The following HDAC9 variants were observed in gnomAD, a reference collection of about 807,000 sequenced individuals.
The protein encoded by HDAC9 is MEF-2 interacting transcription repressor (MITR) protein.
In HDAC9, 41 loss-of-function variants were observed where a neutral mutation model predicts 139.4. The observed-to-expected ratio is 0.29, with a 90% confidence interval of 0.23 to 0.38. The LOEUF is 0.38. HDAC9 is among the 10% of genes least tolerant of loss of function. The pLI is 1.00. For missense variants in HDAC9, 1,147 were observed against 1,297.0 expected, an observed-to-expected ratio of 0.88 and a Z score of 1.78; for synonymous variants, 517 against 476.2, an observed-to-expected ratio of 1.09 and a Z score of -1.12.
chr7:18,325,407 A>C (rs1228918634), intron 1 of HDAC9: 3 of 152,126 alleles, frequency 2.0e-5, no homozygotes, highest in African/African-American at 7.2e-5. Flanking sequence ...GTTTACCATT[A>C]CAAGTTACTA....
intron 22 of HDAC9, among the ~76,000 whole-genome samples, chr7:18,926,200 A>T (rs537996275): frequency 1.3e-5 from 2 of 152,172 alleles, no homozygotes; most frequent in East Asian, 1.9e-4. Flanking sequence ...AAAATTGAAA[A>T]ATTAGTAGGG....
Position 18,647,839 on chromosome 7 carries a change from G to T in HDAC9, c.1090G>T (p.Gly364Cys). The change falls in exon 10 of 26, where the codon GGT becomes TGT. Residue 364 changes from glycine (G) to cysteine (C), a missense_variant. By Grantham distance (159) the Gly-to-Cys change is radical. Transcript: ENST00000686413. The part of the protein sequence containing the change: ...QKCETQTLRQ[G>C]VPLPGQYGGS... ...GTGTGAGACGCAGACGCTTAGGCAAGGTGTTCCTCTGCCTGGGCAGTATGG... is the reference window on the plus strand; with the variant it reads ...GTGTGAGACGCAGACGCTTAGGCAATGTGTTCCTCTGCCTGGGCAGTATGG... 2 of 1,612,532 alleles carry T rather than the reference G, an allele frequency of 1.2e-6. No individual in the cohort carries two copies. The highest frequency in any genetic ancestry group is 2.7e-5 in the African/African-American group (2 of 75,028).
At chr7:18,873,296 G>A (rs746149407) in intron 21 of HDAC9, among the ~76,000 whole-genome samples, 14 of 152,142 alleles carry the variant, frequency 9.2e-5, no homozygotes, top group Non-Finnish European at 1.9e-4. Flanking sequence ...TGGTTTACCA[G>A]TTGTTGGAAG....
chr7:18,556,171 C>T (rs945763486), intron 2 of HDAC9, among the ~76,000 whole-genome samples: 2 of 151,976 alleles, frequency 1.3e-5, no homozygotes, highest in Non-Finnish European at 2.9e-5. Flanking sequence ...TATTTAAATA[C>T]AGGTAGCACT....
chr7:18,634,033 T>C (rs1783123565), intron 7 of HDAC9, among the ~76,000 whole-genome samples: 1 of 152,070 alleles, frequency 6.6e-6, no homozygotes, highest in Admixed American at 6.6e-5. Context: ...ATAAGTTGAG[T>C]AGAGTTAAAG....
At chr7:18,192,654 A>G (rs1352401675) in intron 2 of HDAC9, among the ~76,000 whole-genome samples, 1 of 152,202 alleles carries the variant, frequency 6.6e-6, no homozygotes, top group African/African-American at 2.4e-5. Context: ...AAGTAAAATC[A>G]CGATTTTTCT....
At chr7:18,971,440 C>T (rs1784237678) in intron 24 of HDAC9, among the ~76,000 whole-genome samples, 1 of 152,158 alleles carries the variant, frequency 6.6e-6, no homozygotes, top group Non-Finnish European at 1.5e-5. Context: ...AGCAGTCAAC[C>T]TTTGTTCATT....
At chr7:18,985,398 CTCA>C (rs1329058320) in intron 25 of HDAC9, among the ~76,000 whole-genome samples, 8 of 152,266 alleles carry the variant, frequency 5.3e-5, no homozygotes, top group African/African-American at 1.9e-4. Context: ...AGGACATGAA[CTCA>C]TCATTTTTTA....
At chr7:18,506,443 G>A (rs1021124708) in intron 2 of HDAC9, among the ~76,000 whole-genome samples, 6 of 152,050 alleles carry the variant, frequency 3.9e-5, no homozygotes, top group Non-Finnish European at 8.8e-5. Flanking sequence ...GACCCTTCTC[G>A]TGAATATGGC....
At chr7:18,907,243 A>C (rs1433405107) in intron 22 of HDAC9, among the ~76,000 whole-genome samples, 1 of 152,232 alleles carries the variant, frequency 6.6e-6, no homozygotes, top group Non-Finnish European at 1.5e-5. Context: ...TCAATGTAGA[A>C]GAGAAGGGAG....
At chr7:18,653,713 T>G (rs1266978117) in intron 11 of HDAC9, among the ~76,000 whole-genome samples, 1 of 152,152 alleles carries the variant, frequency 6.6e-6, no homozygotes, top group Non-Finnish European at 1.5e-5. Flanking sequence ...TATGTTTATG[T>G]TCTGACAAGC....
rs564562499 is a variant in HDAC9, at chr7:18,623,711, A to G, written c.665-5639A>G. Among the ~76,000 whole-genome samples, 3 of 152,328 alleles carry G rather than the reference A, an allele frequency of 2.0e-5. No homozygotes were observed. In the East Asian group the frequency reaches 5.8e-4, roughly 29 times the overall value. ...GTAATCCCAACACTTTGGCAGGCCA[A>G]GGCGGGCGGATTACAAGGTCAGGAG... On this transcript the variant is annotated intron_variant, in intron 6 of 25. Coordinates refer to ENST00000686413, the MANE Select transcript of HDAC9 (RefSeq NM_178425.4).
chr7:18,647,515 T>C (rs1230010626), intron 9 of HDAC9, among the ~76,000 whole-genome samples: 1 of 152,212 alleles, frequency 6.6e-6, no homozygotes, highest in African/African-American at 2.4e-5. Flanking sequence ...AAATTGTGTA[T>C]GTAGCATCAC....
At chr7:18,777,396 A>G (rs143298752) in intron 16 of HDAC9, among the ~76,000 whole-genome samples, 169 of 151,992 alleles carry the variant, frequency 1.1e-3, no homozygotes, top group African/African-American at 3.6e-3. Context: ...TTGTCACATT[A>G]TGGCCTCAGT....
chr7:18,949,626 T>C (rs562803522), intron 23 of HDAC9: 108 of 164,024 alleles, frequency 6.6e-4, no homozygotes, highest in Non-Finnish European at 1.2e-3. Flanking sequence ...GAACTGGCCA[T>C]TCTTAAAGAA....
At chr7:18,301,436 A>AT (rs954435430) in intron 1 of HDAC9, among the ~76,000 whole-genome samples, 37 of 151,544 alleles carry the variant, frequency 2.4e-4, no homozygotes, top group African/African-American at 6.8e-4. Context: ...TACATTATAG[A>AT]TTTTTTTTTA....
intron 1 of HDAC9, among the ~76,000 whole-genome samples, chr7:18,408,596 C>G (rs552621044): frequency 6.6e-6 from 1 of 152,262 alleles, no homozygotes; most frequent in African/African-American, 2.4e-5. Flanking sequence ...TGGGCTGGGA[C>G]TGAGACCAAG....
chr7:18,455,521 A>G (rs1390317413), intron 1 of HDAC9, among the ~76,000 whole-genome samples: 1 of 152,190 alleles, frequency 6.6e-6, no homozygotes, highest in Admixed American at 6.5e-5. Context: ...TACAGTGAGA[A>G]TCTGCCAGCC....
chr7:18,693,495 A>G (rs1244667077), intron 12 of HDAC9, among the ~76,000 whole-genome samples: 1 of 152,176 alleles, frequency 6.6e-6, no homozygotes, highest in Non-Finnish European at 1.5e-5. Context: ...TACACAATTT[A>G]CTTTTAACGA....
Sources: allele counts gnomAD v4.1 joint callset (sites outside exome capture counted in the v4.1 genomes callset), GRCh38; gene constraint gnomAD v4.1.1; transcripts MANE v1.5; gene names NCBI Gene and HGNC (gene_info 2026-07-23, HGNC 2026-07-21).